SPTA1: variants seen among roughly 807,000 people sequenced by gnomAD.
SPTA1 encodes spectrin alpha chain, erythrocytic 1.
In SPTA1, 177 loss-of-function variants were observed where a neutral mutation model predicts 324.7. The ratio of observed to expected loss-of-function variants is 0.55; its 90% CI spans 0.48 to 0.62. The LOEUF is 0.62. Among genes scored for constraint, SPTA1 ranks in the 20% least tolerant of loss-of-function variants. The probability of loss-of-function intolerance (pLI) is 0.00; values close to 1 mark genes in which losing one functional copy is unlikely to be tolerated. For synonymous variants in SPTA1, 1,195 were observed against 1,041.3 expected (o/e 1.15, Z -2.84); for missense variants, 3,162 against 2,883.6 (o/e 1.10, Z -2.21).
Position 158,662,709 on chromosome 1 carries a change from G to T in SPTA1, c.2457C>A (p.Thr819=). Residue 819 remains threonine, a synonymous_variant, in exon 17 of 52, where the codon ACC becomes ACA. Coordinates refer to ENST00000643759, the MANE Select transcript of SPTA1 (RefSeq NM_003126.4). ...IQETEPSATS[T]YLGKDLIASK... ...TGCTCAGGCTGTACTAACCAAGGTA[G>T]GTGGAAGTAGCTGAGGGTTCAGTCT... The T allele has an allele frequency of 9.9e-6, 16 of 1,613,844 alleles. No homozygotes were observed. Among genetic ancestry groups the T allele is most frequent in the Non-Finnish European group, 1.4e-5 (16 of 1,179,930 alleles).
intron 37 of SPTA1, 137 bp from the exon 38 acceptor site, chr1:158,636,171 A>C (rs1345055448): frequency 1.4e-6 from 2 of 1,461,904 alleles, no homozygotes; most frequent in African/African-American, 2.8e-5. Flanking sequence ...AGGGTCCTGA[A>C]AGTCCAGGGA....
Position 158,653,444 on chromosome 1 carries a change from C to G in SPTA1, c.3037-19G>C, listed in dbSNP as rs1371775982. 3.1e-6 allele frequency: 5 copies of G among 1,613,538 alleles called. No individual in the cohort carries two copies. The Admixed American group carries it at 8.3e-5, about 27-fold the overall frequency. On this transcript the variant is annotated intron_variant, in intron 21 of 51. Transcript: ENST00000643759. ...ACCAGTCCTGAAGGGAGAGCAGATC[C>G]CCACTCCGTCATTAATTCTTGGAAA...
Position 158,638,033 on chromosome 1 carries a change from T to A in SPTA1, c.5189A>T (p.Glu1730Val). The A allele has an allele frequency of 6.2e-7, 1 of 1,613,624 alleles. No homozygotes were observed. The highest frequency in any genetic ancestry group is 8.5e-7 in the Non-Finnish European group (1 of 1,179,786). ...QDLDDEESWI[E>V]EKLIRVSSQD... ...ACATTTTTGAGCTGGTGGCACATACTCTATCCAGGATTCCTCATCATCTAG... is the reference window on the plus strand; with the variant it reads ...ACATTTTTGAGCTGGTGGCACATACACTATCCAGGATTCCTCATCATCTAG... The change falls in exon 36 of 52, where the codon GAG becomes GTG. Residue 1730 changes from glutamate (E) to valine (V), a missense_variant and splice_region_variant. By Grantham distance (121) the Glu-to-Val change is moderately radical (BLOSUM62 -2). Coordinates refer to ENST00000643759, the MANE Select transcript of SPTA1 (RefSeq NM_003126.4).
chr1:158,659,595 A>ATTTTTTTT (rs1177353050), intron 18 of SPTA1, among the ~76,000 whole-genome samples: 2,020 of 68,656 alleles, frequency 0.029, 470 homozygotes, highest in Non-Finnish European at 0.057. Flanking sequence ...TCTTAGCATT[A>ATTTTTTTT]TTTTTTTTTT....
intron 33 of SPTA1, 45 bp from the exon 34 acceptor site, chr1:158,640,052 G>A (rs147887762): frequency 3.8e-4 from 609 of 1,613,276 alleles, no homozygotes; most frequent in African/African-American, 3.1e-3. Context: ...TTAGGATCCC[G>A]GGCCCTGTGA....
rs185214954 is a variant in SPTA1, at chr1:158,612,789, G to A, written c.7134+28C>T. The A allele has an allele frequency of 4.5e-5, 72 of 1,613,186 alleles. No homozygotes were observed. In the African/African-American group the frequency reaches 8.8e-4, roughly 20 times the overall value. On this transcript the variant is annotated intron_variant, in intron 51 of 51. Coordinates refer to ENST00000643759, the MANE Select transcript of SPTA1 (RefSeq NM_003126.4). Reference sequence around the variant, plus strand: ...CCAGAATTCAAATTAGGATGACAGTGTAGTAGGGGAAGCAACCAGAATCGG... The same window carrying A: ...CCAGAATTCAAATTAGGATGACAGTATAGTAGGGGAAGCAACCAGAATCGG...
chr1:158,622,832 T>C, intron 43 of SPTA1, 151 bp downstream of exon 43: 1 of 764,812 alleles, frequency 1.3e-6, no homozygotes, highest in East Asian at 2.6e-5. Flanking sequence ...TTCAATCTAC[T>C]TTTTGCTCAG....
rs748316006 is a variant in SPTA1 at position 158,611,419 on chromosome 1, T to C, written c.7135-30A>G. 4.3e-6 allele frequency: 7 copies of C among 1,612,320 alleles called. No homozygotes were observed. The South Asian group carries it at 6.6e-5, about 15-fold the overall frequency. ...AAAGTATAAAAAGAGAAAAATACAGTTATAGGGATTCAAAATAGCTGGTTC... is the reference window on the plus strand; with the variant it reads ...AAAGTATAAAAAGAGAAAAATACAGCTATAGGGATTCAAAATAGCTGGTTC... On this transcript the variant is annotated intron_variant, in intron 51 of 51. Coordinates refer to ENST00000643759, the MANE Select transcript of SPTA1 (RefSeq NM_003126.4).
intron 25 of SPTA1, among the ~76,000 whole-genome samples, chr1:158,649,352 C>T (rs1379990457): frequency 2.6e-5 from 4 of 152,194 alleles, no homozygotes; most frequent in Non-Finnish European, 5.9e-5. Flanking sequence ...TTGATCAAGG[C>T]TCACTGTAGC....
rs375612169 is a variant in SPTA1, at chr1:158,654,280, G to A, written c.3036+331C>T. Among the ~76,000 whole-genome samples the A allele has an allele frequency of 1.1e-3, 170 of 152,232 alleles. 1 individual carries two copies. In the Middle Eastern group the frequency reaches 0.014, roughly 12 times the overall value. ...TCACTAGAAATACTGGCACAGAAGA[G>A]GAACAAGCAAAGAGGAAGAAAGAAA... On this transcript the variant is annotated intron_variant, in intron 21 of 51. Transcript: ENST00000643759.
intron 15 of SPTA1, 151 bp from the exon 16 acceptor site, chr1:158,666,648 T>A: frequency 1.3e-6 from 1 of 756,772 alleles, no homozygotes; most frequent in Non-Finnish European, 2.2e-6. Context: ...CAAAAAGTCA[T>A]CTTAAATTTG....
At position 158,622,968 on chromosome 1, in the gene SPTA1, A is replaced by G. The variant is rs1369924759; in HGVS notation, c.6120+15T>C. Reference sequence around the variant, plus strand: ...GGTAACAGAGAACTGATCATGCCTCATAATTTTTTTAAACCTTCTGTAGAG... The same window carrying G: ...GGTAACAGAGAACTGATCATGCCTCGTAATTTTTTTAAACCTTCTGTAGAG... On this transcript the variant is annotated intron_variant, in intron 43 of 51. Transcript: ENST00000643759. The G allele has an allele frequency of 6.2e-7, 1 of 1,609,622 alleles. No individual in the cohort carries two copies. Among genetic ancestry groups the G allele is most frequent in the Non-Finnish European group, 8.5e-7 (1 of 1,176,060 alleles).
intron 47 of SPTA1, 131 bp from the exon 48 acceptor site, chr1:158,615,534 A>T: frequency 1.2e-6 from 1 of 853,054 alleles, no homozygotes; most frequent in East Asian, 2.6e-5. Flanking sequence ...AAGATGAACT[A>T]CTTGGGAAAA....
Position 158,661,529 on chromosome 1 carries a change from A to T in SPTA1, c.2465-120T>A, listed in dbSNP as rs575813223. Reference sequence around the variant, plus strand: ...TCCTTTGAAGTTCTAACCATTGAGTAAGATTCTTTAAATTTATATCATCTG... The same window carrying T: ...TCCTTTGAAGTTCTAACCATTGAGTTAGATTCTTTAAATTTATATCATCTG... On this transcript the variant is annotated intron_variant, in intron 17 of 51. Coordinates refer to ENST00000643759, the MANE Select transcript of SPTA1 (RefSeq NM_003126.4). The T allele has an allele frequency of 1.1e-5, 14 of 1,300,768 alleles. No individual in the cohort carries two copies. In the South Asian group the frequency reaches 1.3e-4, roughly 12 times the overall value. The allele number at this position is 1,300,768 out of a possible 1,614,324, so 80.6% of individuals were successfully genotyped here.
At chr1:158,664,303 A>T (rs1653442734) in intron 16 of SPTA1, among the ~76,000 whole-genome samples, 1 of 152,240 alleles carries the variant, frequency 6.6e-6, no homozygotes, top group South Asian at 2.1e-4. Context: ...GATAGACTGG[A>T]TAAAGAAAAT....
intron 15 of SPTA1, 122 bp downstream of exon 15, chr1:158,667,735 TG>T: frequency 9.8e-7 from 1 of 1,020,186 alleles, no homozygotes; most frequent in South Asian, 1.6e-5. Context: ...GAAAGACACA[TG>T]GAAGCAAATG....
intron 14 of SPTA1, among the ~76,000 whole-genome samples, 195 bp from the exon 15 acceptor site, chr1:158,668,257 C>A (rs866699875): frequency 6.6e-6 from 1 of 152,082 alleles, no homozygotes; most frequent in Non-Finnish European, 1.5e-5. Context: ...GCAGACATGG[C>A]GAACTAAGCT....
At chr1:158,666,806 C>A (rs778083317) in intron 15 of SPTA1, among the ~76,000 whole-genome samples, 1 of 152,076 alleles carries the variant, frequency 6.6e-6, no homozygotes, top group Non-Finnish European at 1.5e-5. Context: ...TACTCTCTAT[C>A]CAGACCTCTT....
rs555425662 is a variant in SPTA1 at position 158,650,014 on chromosome 1, G to T, written c.3478-67C>A. 1.2e-5 allele frequency: 12 copies of T among 1,041,992 alleles called. No homozygotes were observed. In the South Asian group the frequency reaches 1.6e-4, roughly 14 times the overall value. The allele number at this position is 1,041,992 out of a possible 1,614,324, so 64.5% of individuals were successfully genotyped here. A position where few individuals can be genotyped will look rare whatever the true frequency, so the allele number is the denominator to read the frequency against. On this transcript the variant is annotated intron_variant, in intron 24 of 51. Coordinates refer to ENST00000643759, the MANE Select transcript of SPTA1 (RefSeq NM_003126.4). ...CTCACATGGCTCAGTGGCGTCTGAA[G>T]ACCAGACAAGATTTAAAACATAGTT...
Sources: gnomAD v4.1 joint callset for allele counts (sites outside exome capture counted in the v4.1 genomes callset) on GRCh38, gnomAD v4.1.1 for gene constraint, MANE v1.5 for transcripts, NCBI Gene and HGNC (gene_info 2026-07-23, HGNC 2026-07-21) for gene names.